LINGO2: variants seen among roughly 807,000 people sequenced by gnomAD.
LINGO2 encodes the protein leucine rich repeat and Ig domain containing 2, also known as leucine-rich repeat and immunoglobulin-like domain-containing nogo receptor-interacting protein 2.
LINGO2 carries 14 observed loss-of-function variants against 30.6 expected under a neutral mutation model. The observed-to-expected ratio is 0.46, with a 90% CI of 0.30 to 0.72. The LOEUF (loss-of-function observed/expected upper bound fraction) is 0.72, where lower values mean the gene tolerates loss of function less well. Ranked by LOEUF, LINGO2 falls within the 30% of genes least tolerant of loss-of-function variation. The pLI is 0.07. For missense variants in LINGO2, 729 were observed against 751.7 expected, an observed-to-expected ratio of 0.97 and a Z score of 0.35; for synonymous variants, 317 against 288.5, an observed-to-expected ratio of 1.10 and a Z score of -1.00.
At chr9:28,557,473 C>T (rs1227090577) in intron 1 of LINGO2, among the ~76,000 whole-genome samples, 1 of 151,876 alleles carries the variant, frequency 6.6e-6, no homozygotes, top group Admixed American at 6.6e-5. Flanking sequence ...GTTAGAATGG[C>T]GATCATTAAA....
At position 28,639,018 on chromosome 9, in the gene LINGO2, T is replaced by C. The variant is rs1588005953; in HGVS notation, c.-365+31182A>G. Among the ~76,000 whole-genome samples, 9 of 152,286 alleles carry C rather than the reference T, an allele frequency of 5.9e-5. No homozygotes were observed. In the South Asian group the frequency reaches 1.9e-3, roughly 32 times the overall value. On this transcript the variant is annotated intron_variant, in intron 1 of 5. Transcript: ENST00000379992. ...GTGTCCCAGAGATTCTGGTATGTTG[T>C]GTCTTTGTTCTCGTTGGTTTCAAAG...
At chr9:28,503,221 G>C (rs1296818948) in intron 1 of LINGO2, among the ~76,000 whole-genome samples, 3 of 151,818 alleles carry the variant, frequency 2.0e-5, no homozygotes, top group Non-Finnish European at 4.4e-5. Flanking sequence ...TAACTCTTTA[G>C]AAAGCCAAAC....
the LINGO2 span, among the ~76,000 whole-genome samples, chr9:28,679,432 A>C: frequency 1.3e-5 from 2 of 152,176 alleles, no homozygotes; most frequent in African/African-American, 2.4e-5. Context: ...TGTCTTGCTG[A>C]TGCTTTTCAG....
intron 2 of LINGO2, among the ~76,000 whole-genome samples, chr9:28,410,343 G>T (rs1822712688): frequency 6.6e-6 from 1 of 151,966 alleles, no homozygotes; most frequent in South Asian, 2.1e-4. Context: ...TACTTTATGT[G>T]GGTTTTCTGC....
intron 4 of LINGO2, among the ~76,000 whole-genome samples, chr9:28,108,749 C>T (rs939529146): frequency 3.3e-5 from 5 of 152,054 alleles, no homozygotes; most frequent in Admixed American, 2.6e-4. Flanking sequence ...GTATCAGGCA[C>T]CATTCTGAAC....
the LINGO2 span, among the ~76,000 whole-genome samples, chr9:28,865,482 T>C: frequency 1.3e-5 from 2 of 151,298 alleles, no homozygotes; most frequent in African/African-American, 4.9e-5. Context: ...TTGACATGGG[T>C]TTAAAAACAA....
At chr9:28,856,538 G>C in the LINGO2 span, among the ~76,000 whole-genome samples, 1 of 151,966 alleles carries the variant, frequency 6.6e-6, no homozygotes, top group Admixed American at 6.6e-5. Context: ...AATTTAACTA[G>C]AGAAACAAGT....
the LINGO2 span, among the ~76,000 whole-genome samples, chr9:29,207,687 T>C: frequency 1.3e-5 from 2 of 152,080 alleles, no homozygotes; most frequent in East Asian, 1.9e-4. Context: ...CTCATTTTGT[T>C]AGAGAAAATA....
At chr9:28,368,014 T>G (rs1386194076) in intron 3 of LINGO2, among the ~76,000 whole-genome samples, 1 of 152,124 alleles carries the variant, frequency 6.6e-6, no homozygotes, top group Non-Finnish European at 1.5e-5. Context: ...CTTTTTTTCT[T>G]TCTCTTTGTC....
chr9:29,012,969 C>G, the LINGO2 span, among the ~76,000 whole-genome samples: 1 of 152,174 alleles, frequency 6.6e-6, no homozygotes, highest in Admixed American at 6.6e-5. Context: ...CCATCTAGTT[C>G]ATCTTCTTGC....
intron 1 of LINGO2, among the ~76,000 whole-genome samples, chr9:28,531,551 C>T (rs1821238800): frequency 6.6e-6 from 1 of 151,986 alleles, no homozygotes; most frequent in Non-Finnish European, 1.5e-5. Flanking sequence ...AGAAAACTTG[C>T]ATTTTTGAAG....
intron 4 of LINGO2, among the ~76,000 whole-genome samples, chr9:28,118,965 A>G (rs574880198): frequency 1.3e-5 from 2 of 152,330 alleles, no homozygotes; most frequent in Non-Finnish European, 2.9e-5. Context: ...TTGGAAATTA[A>G]TTGTATAATT....
chr9:28,682,547 AT>A, the LINGO2 span, among the ~76,000 whole-genome samples: 1 of 152,098 alleles, frequency 6.6e-6, no homozygotes, highest in Non-Finnish European at 1.5e-5. Context: ...ACTTTTTTAT[AT>A]CATTTTTCAT....
At chr9:28,418,245 T>C (rs991789890) in intron 2 of LINGO2, among the ~76,000 whole-genome samples, 3 of 151,846 alleles carry the variant, frequency 2.0e-5, no homozygotes, top group African/African-American at 7.3e-5. Flanking sequence ...AACTCTGCCA[T>C]TTATTACTTA....
At chr9:28,195,326 T>C (rs1819971215) in intron 4 of LINGO2, among the ~76,000 whole-genome samples, 1 of 146,770 alleles carries the variant, frequency 6.8e-6, no homozygotes, top group Non-Finnish European at 1.5e-5. Context: ...GCCATCTCAC[T>C]ATGTTATGGA....
chr9:28,324,143 C>T (rs963019994), intron 3 of LINGO2, among the ~76,000 whole-genome samples: 1 of 152,106 alleles, frequency 6.6e-6, no homozygotes, highest in Non-Finnish European at 1.5e-5. Flanking sequence ...ATGAAGCAAG[C>T]AAGTTTAGGA....
chr9:29,182,385 T>C, the LINGO2 span, among the ~76,000 whole-genome samples: 1 of 152,040 alleles, frequency 6.6e-6, no homozygotes, highest in Non-Finnish European at 1.5e-5. Context: ...GAGGTGCATA[T>C]AAGATTAATA....
upstream of LINGO2, among the ~76,000 whole-genome samples, chr9:28,674,097 G>A (rs1440106864): frequency 1.3e-5 from 2 of 151,980 alleles, no homozygotes; most frequent in Non-Finnish European, 2.9e-5. Flanking sequence ...ATGTTAAAGA[G>A]AGGTGAACAT....
intron 2 of LINGO2, among the ~76,000 whole-genome samples, chr9:28,463,490 C>G (rs1825168366): frequency 6.6e-6 from 1 of 152,106 alleles, no homozygotes; most frequent in African/African-American, 2.4e-5. Flanking sequence ...TATACTAGGA[C>G]TTTTCATTTC....
Sources: gnomAD v4.1 joint callset for allele counts (sites outside exome capture counted in the v4.1 genomes callset) on GRCh38, gnomAD v4.1.1 for gene constraint, MANE v1.5 for transcripts, NCBI Gene and HGNC (gene_info 2026-07-23, HGNC 2026-07-21) for gene names.